The following KIF26B variants were observed in gnomAD, a reference collection of about 807,000 sequenced individuals.
KIF26B encodes the protein kinesin-like protein KIF26B.
In KIF26B, 63 loss-of-function variants were observed where a neutral mutation model predicts 151.2. The observed-to-expected ratio is 0.42, with a 90% confidence interval of 0.34 to 0.51. KIF26B has a LOEUF of 0.51. KIF26B is among the 20% of genes least tolerant of loss of function. The pLI is 0.07. For missense variants in KIF26B, 2,813 were observed against 2,913.6 expected (o/e 0.97, Z 0.79); for synonymous variants, 1,357 against 1,262.1 (o/e 1.08, Z -1.59).
rs187966174 is a variant in KIF26B at position 245,363,487 on chromosome 1, C to T, written c.466-3347C>T. The stretch of plus-strand genomic sequence containing the variant: ...CTGGGGTTACAGGCATGAGCCATCA[C>T]GCCCGGCCTCCTTTTCTCTTTTCTT... On this transcript the variant is annotated intron_variant, in intron 2 of 14. Coordinates refer to ENST00000407071, the MANE Select transcript of KIF26B (RefSeq NM_018012.4). 8.5e-5 allele frequency among the ~76,000 whole-genome samples: 13 copies of T among 152,360 alleles called. 1 individual carries two copies. The highest frequency in any genetic ancestry group is 2.9e-4 in the African/African-American group (12 of 41,594).
chr1:245,465,124 G>A (rs1103865), intron 4 of KIF26B, among the ~76,000 whole-genome samples: 121,183 of 148,060 alleles, frequency 0.82, 49,939 homozygotes, highest in African/African-American at 0.9. Flanking sequence ...GACTACAGGC[G>A]CCCGCCACCA....
intron 4 of KIF26B, among the ~76,000 whole-genome samples, chr1:245,536,961 A>T (rs1234567865): frequency 6.6e-6 from 1 of 152,164 alleles, no homozygotes; most frequent in Non-Finnish European, 1.5e-5. Flanking sequence ...CTTCCATTAC[A>T]TTCTGTTGGC....
chr1:245,649,037 T>C (rs1228475434), intron 10 of KIF26B, among the ~76,000 whole-genome samples: 1 of 152,186 alleles, frequency 6.6e-6, no homozygotes, highest in African/African-American at 2.4e-5. Flanking sequence ...GCCCTGGCCA[T>C]CCAGCCAGCG....
At chr1:245,392,766 T>C (rs1426950678) in intron 3 of KIF26B, among the ~76,000 whole-genome samples, 1 of 152,234 alleles carries the variant, frequency 6.6e-6, no homozygotes, top group Non-Finnish European at 1.5e-5. Context: ...CAAATTCATG[T>C]TGGCCTGTTC....
intron 3 of KIF26B, among the ~76,000 whole-genome samples, chr1:245,402,646 T>C (rs1226592756): frequency 2.0e-5 from 3 of 152,094 alleles, no homozygotes; most frequent in Non-Finnish European, 2.9e-5. Context: ...TAGCAAGAAA[T>C]ATTTTAAGCT....
intron 4 of KIF26B, among the ~76,000 whole-genome samples, chr1:245,506,937 C>T (rs1165521080): frequency 6.6e-6 from 1 of 152,220 alleles, no homozygotes; most frequent in African/African-American, 2.4e-5. Flanking sequence ...ACGTCGGCCT[C>T]CCAAGGTGCT....
intron 2 of KIF26B, among the ~76,000 whole-genome samples, chr1:245,277,672 G>T (rs1323587729): frequency 6.6e-6 from 1 of 152,148 alleles, no homozygotes; most frequent in Non-Finnish European, 1.5e-5. Flanking sequence ...CGTCCTAAAA[G>T]CTACAGGTTG....
intron 4 of KIF26B, among the ~76,000 whole-genome samples, chr1:245,467,290 T>C (rs1659814181): frequency 6.6e-6 from 1 of 152,234 alleles, no homozygotes; most frequent in African/African-American, 2.4e-5. Context: ...GCGAGCTCTT[T>C]ATTCTGTGTT....
intron 5 of KIF26B, among the ~76,000 whole-genome samples, chr1:245,586,158 A>AGTGTGTGTGTGTGT (rs10526699): frequency 1.2e-4 from 17 of 142,090 alleles, no homozygotes; most frequent in African/African-American, 3.7e-4. Flanking sequence ...CACCATGACC[A>AGTGTGTGTGTGTGT]GTGTGTGTGT....
Position 245,686,139 on chromosome 1 carries a change from C to T in KIF26B, c.3156C>T (p.Ser1052=). The change falls in exon 12 of 15, where the codon TCC becomes TCT. Residue 1052 remains serine (S), a synonymous_variant. Coordinates refer to ENST00000407071, the MANE Select transcript of KIF26B (RefSeq NM_018012.4). The surrounding 1 kb of genome is among the most constrained non-coding windows in gnomAD (Gnocchi z 5.6). ...SLQSSRESLN[S]CGFVEGKPRP... is the part of the protein sequence containing the mutation. ...AGAGCAGCCGGGAGAGCCTCAACTC[C>T]TGCGGCTTCGTGGAAGGCAAGCCCA... 1 of 1,612,192 alleles carries T rather than the reference C, an allele frequency of 6.2e-7. No homozygotes were observed. The highest frequency in any genetic ancestry group is 8.5e-7 in the Non-Finnish European group (1 of 1,179,674).
intron 2 of KIF26B, among the ~76,000 whole-genome samples, chr1:245,277,348 C>T (rs1021301436): frequency 6.6e-6 from 1 of 152,206 alleles, no homozygotes; most frequent in Non-Finnish European, 1.5e-5. Flanking sequence ...TATGTCTTCA[C>T]TCTCTGTGAG....
chr1:245,496,874 G>A (rs1408865736), intron 4 of KIF26B, among the ~76,000 whole-genome samples: 2 of 152,164 alleles, frequency 1.3e-5, no homozygotes, highest in African/African-American at 2.4e-5. Flanking sequence ...CCTTGTAAAT[G>A]CCAACCAATA....
chr1:245,393,778 G>A (rs1572039709), intron 3 of KIF26B, among the ~76,000 whole-genome samples: 1 of 152,208 alleles, frequency 6.6e-6, no homozygotes, highest in East Asian at 1.9e-4. Flanking sequence ...CAAATTTAGT[G>A]TGTAAACTTT....
At chr1:245,325,064 C>T (rs1225474587) in intron 2 of KIF26B, among the ~76,000 whole-genome samples, 1 of 146,824 alleles carries the variant, frequency 6.8e-6, no homozygotes, top group African/African-American at 2.5e-5. Context: ...CACTGCACTC[C>T]AGCCTGGACG....
At chr1:245,590,434 C>G (rs2043276013) in intron 5 of KIF26B, among the ~76,000 whole-genome samples, 1 of 152,234 alleles carries the variant, frequency 6.6e-6, no homozygotes, top group Non-Finnish European at 1.5e-5. Context: ...CTCAAAAATT[C>G]CTTCTGTGCT....
intron 2 of KIF26B, among the ~76,000 whole-genome samples, chr1:245,289,859 C>T (rs1362997907): frequency 6.6e-6 from 1 of 152,144 alleles, no homozygotes; most frequent in African/African-American, 2.4e-5. Flanking sequence ...GAAGTAGCAA[C>T]CCTCTGCTTA....
intron 2 of KIF26B, among the ~76,000 whole-genome samples, chr1:245,258,027 A>T (rs1670571736): frequency 6.6e-6 from 1 of 152,040 alleles, no homozygotes; most frequent in Non-Finnish European, 1.5e-5. Flanking sequence ...TCTTAAAAAA[A>T]AAAAATGTTG....
At position 245,688,695 on chromosome 1, in the gene KIF26B, C is replaced by T. The variant is rs968283401; in HGVS notation, c.5712C>T (p.Asp1904=). ...GSSGYESVMR[D]SEATGSASSA... is the part of the protein sequence containing the mutation. Reference sequence around the variant, plus strand: ...GCGGCTACGAGAGCGTGATGCGGGACAGCGAGGCCACCGGCAGCGCGTCCT... The same window carrying T: ...GCGGCTACGAGAGCGTGATGCGGGATAGCGAGGCCACCGGCAGCGCGTCCT... The change falls in exon 12 of 15, where the codon GAC becomes GAT. Residue 1904 remains aspartate, a synonymous_variant. Transcript: ENST00000407071. 4 of 1,606,632 alleles carry T rather than the reference C, an allele frequency of 2.5e-6. No individual in the cohort carries two copies. In the East Asian group the frequency reaches 6.7e-5, roughly 27 times the overall value.
intron 10 of KIF26B, among the ~76,000 whole-genome samples, chr1:245,673,442 C>T (rs1572193308): frequency 6.6e-6 from 1 of 150,770 alleles, no homozygotes; most frequent in Admixed American, 6.6e-5. Context: ...GTCCCCGCTG[C>T]GCGCTGCCAT....
Sources: gnomAD v4.1 joint callset for allele counts (sites outside exome capture counted in the v4.1 genomes callset) on GRCh38, gnomAD v4.1.1 for gene constraint, Gnocchi (gnomAD v3.1) non-coding constraint, MANE v1.5 for transcripts, NCBI Gene and HGNC (gene_info 2026-07-23, HGNC 2026-07-21) for gene names.